RGS9: variants seen among roughly 807,000 people sequenced by gnomAD.
RGS9 encodes regulator of G-protein signalling 9.
In RGS9, 78 loss-of-function variants were observed where a neutral mutation model predicts 102.0. The observed-to-expected ratio is 0.76, with a 90% CI of 0.64 to 0.92. The LOEUF is 0.92. Among genes scored for constraint, RGS9 ranks in the 40% least tolerant of loss-of-function variants. The pLI, the probability that RGS9 is intolerant of heterozygous loss-of-function variation, is 0.00. For synonymous variants in RGS9, 353 were observed against 318.6 expected, an observed-to-expected ratio of 1.11 and a Z score of -1.15; for missense variants, 833 against 866.1, an observed-to-expected ratio of 0.96 and a Z score of 0.48.
chr17:65,171,692 T>A (rs770293229), intron 8 of RGS9, among the ~76,000 whole-genome samples: 2 of 152,250 alleles, frequency 1.3e-5, no homozygotes, highest in Admixed American at 6.5e-5. Context: ...TGGTGGTAGT[T>A]GAGGGCTCTG....
At chr17:65,227,228 C>T (rs1824690421) in intron 18 of RGS9, 47 bp from the exon 19 acceptor site, 1 of 1,613,686 alleles carries the variant, frequency 6.2e-7, no homozygotes, top group African/African-American at 1.3e-5. Flanking sequence ...GGTGCAGTCC[C>T]TCCTGCCCCT....
rs3838367 is a variant in RGS9 at position 65,202,444 on chromosome 17, T to TGTGTGTGTGTGTGTGA, written c.1064+365_1064+366insTGTGTGTGTGTGTGAG. Among the ~76,000 whole-genome samples, 94 of 131,774 alleles carry TGTGTGTGTGTGTGTGA rather than the reference T, an allele frequency of 7.1e-4. 1 individual carries two copies. Among genetic ancestry groups the TGTGTGTGTGTGTGTGA allele is most frequent in the African/African-American group, 2.4e-3 (78 of 32,538 alleles). The allele number at this position is 131,774 out of a possible 152,430, so 86.4% of individuals were successfully genotyped here. A position where few individuals can be genotyped will look rare whatever the true frequency, so the allele number is the denominator to read the frequency against. On this transcript the variant is annotated intron_variant, in intron 14 of 18. Transcript: ENST00000262406. The stretch of plus-strand genomic sequence containing the variant: ...GTGTGTGTGTGTGTGTGTGTGTGTG[T>TGTGTGTGTGTGTGTGA]GAGAGAGAGAGAGAGAGAGAGAGTG...
intron 13 of RGS9, among the ~76,000 whole-genome samples, chr17:65,200,008 AC>A (rs1912764462): frequency 6.6e-6 from 1 of 152,034 alleles, no homozygotes; most frequent in South Asian, 2.1e-4. Flanking sequence ...TGGTGGGAAA[AC>A]GTATGTAACA....
intron 10 of RGS9, among the ~76,000 whole-genome samples, chr17:65,189,695 G>C (rs953203584): frequency 1.3e-5 from 2 of 152,200 alleles, no homozygotes; most frequent in African/African-American, 4.8e-5. Flanking sequence ...TATGTCTGGG[G>C]CCCAAGACAG....
At chr17:65,174,687 T>A (rs972862174) in intron 8 of RGS9, among the ~76,000 whole-genome samples, 1 of 151,988 alleles carries the variant, frequency 6.6e-6, no homozygotes, top group African/African-American at 2.4e-5. Context: ...CATGCATATG[T>A]GTGTGCATGT....
At chr17:65,146,483 G>C (rs4427842) in intron 1 of RGS9, among the ~76,000 whole-genome samples, 55,017 of 151,606 alleles carry the variant, frequency 0.36, 14,173 homozygotes, top group African/African-American at 0.74. Context: ...AGCTACTTGG[G>C]AGGCTGAGGC....
At position 65,173,800 on chromosome 17, in the gene RGS9, T is replaced by C. The variant is rs977194468; in HGVS notation, c.583-3932T>C. Reference sequence around the variant, plus strand: ...GTCAGCAGCACTCTGGTGATGATCATAGTGGGTCAAAGACTTTACACTACC... The same window carrying C: ...GTCAGCAGCACTCTGGTGATGATCACAGTGGGTCAAAGACTTTACACTACC... On this transcript the variant is annotated intron_variant, in intron 8 of 18. Coordinates refer to ENST00000262406, the MANE Select transcript of RGS9 (RefSeq NM_003835.4). This position sits in a 1 kb window ranked among gnomAD's most constrained non-coding sequence, Gnocchi z 4.8. Among the ~76,000 whole-genome samples, 1 of 152,218 alleles carries C rather than the reference T, an allele frequency of 6.6e-6. No individual in the cohort carries two copies. Among genetic ancestry groups the C allele is most frequent in the Admixed American group, 6.5e-5 (1 of 15,276 alleles).
Position 65,227,262 on chromosome 17 carries a change from C to A in RGS9, c.1893-13C>A. The A allele has an allele frequency of 1.2e-6, 2 of 1,614,114 alleles. No individual in the cohort carries two copies. The highest frequency in any genetic ancestry group is 2.2e-5 in the South Asian group (2 of 91,076). ...CTGCCCCTACATTACTGGCTTTCCT[C>A]TTGCACCTGAAGCTTTTTCCAGATC... On this transcript the variant is annotated splice_polypyrimidine_tract_variant and intron_variant, in intron 18 of 18. Coordinates refer to ENST00000262406, the MANE Select transcript of RGS9 (RefSeq NM_003835.4).
intron 9 of RGS9, among the ~76,000 whole-genome samples, chr17:65,183,974 T>G (rs1417077534): frequency 1.3e-5 from 2 of 152,176 alleles, no homozygotes; most frequent in Non-Finnish European, 2.9e-5. Flanking sequence ...GTTGTTAGAA[T>G]GCTAAGAATG....
chr17:65,193,640 G>A lies in RGS9; in HGVS notation c.844G>A (p.Asp282Asn). ...PWITDDTQFWDLNAKLVEIPT... is the reference protein window; with the variant it reads ...PWITDDTQFWNLNAKLVEIPT... ...GATCACCGATGACACCCAGTTCTGG[G>A]ACTTAAATGCCAAATTGTATGTATT... Residue 282 changes from aspartate (D) to asparagine (N), a missense_variant, in exon 12 of 19, where the codon GAC becomes AAC. This residue lies in a region of RGS9 where 185 missense variants were observed against 248.7 expected (regional missense o/e 0.74). Transcript: ENST00000262406. The A allele has an allele frequency of 1.2e-6, 2 of 1,610,666 alleles. No homozygotes were observed. Among genetic ancestry groups the A allele is most frequent in the Non-Finnish European group, 1.7e-6 (2 of 1,176,850 alleles).
At position 65,160,318 on chromosome 17, in the gene RGS9, T is replaced by C. The variant is rs1271485858; in HGVS notation, c.291T>C (p.Asp97=). Residue 97 remains aspartate, a synonymous_variant, in exon 4 of 19, where the codon GAT becomes GAC. Coordinates refer to ENST00000262406, the MANE Select transcript of RGS9 (RefSeq NM_003835.4). ...QDPKNLILKP[D]GSLYRFQTPY... ...CCAAGAATCTCATTCTCAAGCCTGA[T>C]GGCAGCCTCTACAGATTTCAGGTGA... 1 of 1,614,024 alleles carries C rather than the reference T, an allele frequency of 6.2e-7. No homozygotes were observed. The highest frequency in any genetic ancestry group is 2.2e-5 in the East Asian group (1 of 44,892).
intron 11 of RGS9, among the ~76,000 whole-genome samples, chr17:65,193,042 C>T (rs1337820451): frequency 6.6e-6 from 1 of 151,464 alleles, no homozygotes; most frequent in Non-Finnish European, 1.5e-5. Flanking sequence ...AGGTGGATCG[C>T]TTGACCCCAG....
chr17:65,138,793 A>C (rs767028283), intron 1 of RGS9, among the ~76,000 whole-genome samples: 3 of 152,134 alleles, frequency 2.0e-5, no homozygotes, highest in Non-Finnish European at 4.4e-5. Context: ...GGGGGCTCAG[A>C]GGGTAATTGT....
rs2144072640 is a variant in RGS9, at chr17:65,193,670, A to G, written c.860+14A>G. ...AAATGCCAAATTGTATGTATTTTAT[A>G]TATTGGTGTTTTTTAAAAAACCGTT... On this transcript the variant is annotated intron_variant, in intron 12 of 18. Transcript: ENST00000262406. 1 of 1,543,114 alleles carries G rather than the reference A, an allele frequency of 6.5e-7. No individual in the cohort carries two copies. The highest frequency in any genetic ancestry group is 1.4e-5 in the African/African-American group (1 of 73,614).
intron 18 of RGS9, 194 bp downstream of exon 18, chr17:65,225,680 G>T: frequency 1.5e-6 from 1 of 684,176 alleles, no homozygotes; most frequent in Admixed American, 2.5e-5. Context: ...TCCCGAGGGA[G>T]AAGGAACAGG....
At chr17:65,209,893 C>T (rs751136950) in intron 16 of RGS9, among the ~76,000 whole-genome samples, 1 of 152,132 alleles carries the variant, frequency 6.6e-6, no homozygotes, top group South Asian at 2.1e-4. Context: ...GCCTGGCCAA[C>T]GTGGTGAAAG....
chr17:65,190,309 G>A (rs1040792984), intron 11 of RGS9, 73 bp downstream of exon 11: 8 of 1,178,050 alleles, frequency 6.8e-6, no homozygotes, highest in Non-Finnish European at 6.4e-6. Context: ...CTGCAAACTC[G>A]ACAAGTCCTG....
At chr17:65,211,818 T>C (rs1913315802) in intron 17 of RGS9, among the ~76,000 whole-genome samples, 1 of 152,272 alleles carries the variant, frequency 6.6e-6, no homozygotes, top group Non-Finnish European at 1.5e-5. Flanking sequence ...TGGAGCTTCT[T>C]CTAGTCTAGG....
chr17:65,147,495 C>T (rs1323811373), intron 1 of RGS9, among the ~76,000 whole-genome samples: 2 of 151,866 alleles, frequency 1.3e-5, no homozygotes, highest in Admixed American at 1.3e-4. Flanking sequence ...GCCTGAGTGA[C>T]AGGTGGCAGG....
Sources: allele counts gnomAD v4.1 joint callset (sites outside exome capture counted in the v4.1 genomes callset), GRCh38; gene constraint gnomAD v4.1.1; regional missense constraint gnomAD v4.1.1; non-coding constraint Gnocchi (gnomAD v3.1); transcripts MANE v1.5; gene names NCBI Gene and HGNC (gene_info 2026-07-23, HGNC 2026-07-21).